The following COL22A1 variants were observed in gnomAD, a reference collection of about 807,000 sequenced individuals.
COL22A1 encodes collagen alpha-1(XXII) chain.
A neutral mutation model predicts 248.9 loss-of-function variants in COL22A1; 221 were observed. The observed-to-expected ratio is 0.89, with a 90% CI of 0.80 to 0.99. The LOEUF is 0.99. COL22A1 is among the 50% of genes least tolerant of loss of function. COL22A1 has a pLI of 0.00. For synonymous variants in COL22A1, 891 were observed against 793.4 expected, an observed-to-expected ratio of 1.12 and a Z score of -2.07; for missense variants, 2,240 against 2,179.0, an observed-to-expected ratio of 1.03 and a Z score of -0.56.
intron 3 of COL22A1, among the ~76,000 whole-genome samples, chr8:138,853,399 T>C (rs1009847364): frequency 2.0e-5 from 3 of 152,334 alleles, no homozygotes; most frequent in East Asian, 3.9e-4. Context: ...TAATGACTCA[T>C]GAGGGAGCTG....
intron 26 of COL22A1, 102 bp from the exon 27 acceptor site, chr8:138,720,894 T>A: frequency 1.0e-6 from 1 of 963,944 alleles, no homozygotes; most frequent in Non-Finnish European, 1.7e-6. Context: ...CTACCTGCAC[T>A]CGGGTGGTTT....
intron 46 of COL22A1, among the ~76,000 whole-genome samples, chr8:138,647,348 C>A (rs1239350811): frequency 2.0e-5 from 3 of 152,158 alleles, no homozygotes; most frequent in Admixed American, 2.0e-4. Flanking sequence ...GAAACCACTT[C>A]TGGATTTCTG....
intron 12 of COL22A1, among the ~76,000 whole-genome samples, chr8:138,782,939 C>A (rs2131540805): frequency 6.6e-6 from 1 of 152,246 alleles, no homozygotes; most frequent in Admixed American, 6.5e-5. Context: ...GCTCTGCTGC[C>A]CTTACCTGAC....
chr8:138,716,467 G>C (rs1829439564), intron 28 of COL22A1, among the ~76,000 whole-genome samples, 178 bp from the exon 29 acceptor site: 1 of 152,082 alleles, frequency 6.6e-6, no homozygotes, highest in South Asian at 2.1e-4. Context: ...CGTTCACTAG[G>C]GCATCCCCAA....
intron 55 of COL22A1, 139 bp downstream of exon 55, chr8:138,615,862 C>T: frequency 1.5e-6 from 1 of 645,438 alleles, no homozygotes; most frequent in Admixed American, 2.8e-5. Flanking sequence ...CTCATCCTTG[C>T]CAACCAATCC....
chr8:138,909,267 G>A (rs1014246384), intron 1 of COL22A1, among the ~76,000 whole-genome samples: 2 of 152,196 alleles, frequency 1.3e-5, no homozygotes, highest in African/African-American at 4.8e-5. Flanking sequence ...CAATGTTACA[G>A]AGCAGACCTC....
chr8:138,609,858 C>G (rs1164028234), intron 56 of COL22A1, among the ~76,000 whole-genome samples: 1 of 152,176 alleles, frequency 6.6e-6, no homozygotes, highest in East Asian at 1.9e-4. Context: ...GGGCTGGAAC[C>G]TGGTTCCCTC....
intron 16 of COL22A1, among the ~76,000 whole-genome samples, chr8:138,765,671 C>A (rs931151710): frequency 2.0e-5 from 3 of 152,242 alleles, no homozygotes; most frequent in Non-Finnish European, 2.9e-5. Context: ...GGTATAATTG[C>A]CCTGTTGACA....
At chr8:138,700,003 G>A (rs773842660) in intron 32 of COL22A1, 109 bp downstream of exon 32, 36 of 996,672 alleles carry the variant, frequency 3.6e-5, no homozygotes, top group Non-Finnish European at 5.0e-5. Flanking sequence ...AGTGATGAAC[G>A]CGATGGGGCT....
At position 138,796,840 on chromosome 8, in the gene COL22A1, G is replaced by A. The variant is rs1456417427; in HGVS notation, c.1575C>T (p.Gly525=). 6 of 1,600,496 alleles carry A rather than the reference G, an allele frequency of 3.7e-6. No homozygotes were observed. Among genetic ancestry groups the A allele is most frequent in the Non-Finnish European group, 3.4e-6 (4 of 1,168,002 alleles). The change falls in exon 12 of 65, where the codon GGC becomes GGT. Residue 525 remains glycine (G), a synonymous_variant. Transcript: ENST00000303045. ...TTACCTTTTCACCCTTTTCCCCTTGGCCAAAAGGTCCTATGCCCTAGAAAA... is the reference window on the plus strand; with the variant it reads ...TTACCTTTTCACCCTTTTCCCCTTGACCAAAAGGTCCTATGCCCTAGAAAA... ...EKGDVGIGPF[G]QGEKGEKGSL...
rs1826237658 is a variant in COL22A1, at chr8:138,685,092, AT to A, written c.2967+115del. The A allele has an allele frequency of 6.5e-6, 5 of 765,178 alleles. No individual in the cohort carries two copies. The Admixed American group carries it at 9.5e-5, about 15-fold the overall frequency. 47.4% of individuals were successfully genotyped at this position (765,178 alleles called of 1,614,324 possible). A position where few individuals can be genotyped will look rare whatever the true frequency, so the allele number is the denominator to read the frequency against. ...CTGAACCCCTTTCCCAACCAGGCCC[AT>A]TTCATTGGCCACGGTTCAATTTCTG... On this transcript the variant is annotated intron_variant, in intron 38 of 64. Transcript: ENST00000303045.
At chr8:138,912,380 A>G (rs1815510302) in intron 1 of COL22A1, among the ~76,000 whole-genome samples, 1 of 152,168 alleles carries the variant, frequency 6.6e-6, no homozygotes, top group South Asian at 2.1e-4. Flanking sequence ...GCTTTCCATG[A>G]TTTGCCTGGT....
intron 3 of COL22A1, among the ~76,000 whole-genome samples, chr8:138,857,912 C>T (rs774936489): frequency 1.3e-5 from 2 of 152,172 alleles, no homozygotes; most frequent in African/African-American, 2.4e-5. Flanking sequence ...CCATAGAGGT[C>T]GCCTGCTGAA....
chr8:138,626,778 CTTTCCTTGT>C, intron 50 of COL22A1, among the ~76,000 whole-genome samples: 1 of 152,160 alleles, frequency 6.6e-6, no homozygotes, highest in Admixed American at 6.6e-5. Flanking sequence ...TTTACTATCT[CTTTCCTTGT>C]ATTTGAAAAA....
intron 12 of COL22A1, among the ~76,000 whole-genome samples, chr8:138,782,781 T>A (rs781572523): frequency 6.6e-5 from 10 of 151,732 alleles, no homozygotes; most frequent in Admixed American, 1.3e-4. Flanking sequence ...TTGGGCTTCC[T>A]GGTACTGTCC....
At chr8:138,731,800 C>T (rs1485989785) in intron 23 of COL22A1, among the ~76,000 whole-genome samples, 3 of 152,312 alleles carry the variant, frequency 2.0e-5, no homozygotes, top group African/African-American at 7.2e-5. Context: ...ATCATCTCAG[C>T]TTTCCTGGAT....
intron 21 of COL22A1, among the ~76,000 whole-genome samples, chr8:138,753,540 A>G (rs1364545305): frequency 2.0e-5 from 3 of 152,214 alleles, no homozygotes; most frequent in East Asian, 1.9e-4. Context: ...GACCATCCGC[A>G]TGTCCTGTCT....
At chr8:138,765,800 C>A (rs1225078700) in intron 16 of COL22A1, among the ~76,000 whole-genome samples, 2 of 152,216 alleles carry the variant, frequency 1.3e-5, no homozygotes, top group African/African-American at 4.8e-5. Flanking sequence ...AAGAGTGAAG[C>A]TGCTGACCCT....
chr8:138,725,498 C>G (rs1234218005), intron 23 of COL22A1, 58 bp from the exon 24 acceptor site: 3 of 1,446,784 alleles, frequency 2.1e-6, no homozygotes, highest in African/African-American at 2.9e-5. Flanking sequence ...CTCCTAGGGA[C>G]AGTGGGCATT....
Sources: allele counts gnomAD v4.1 joint callset (sites outside exome capture counted in the v4.1 genomes callset), GRCh38; gene constraint gnomAD v4.1.1; transcripts MANE v1.5; gene names NCBI Gene and HGNC (gene_info 2026-07-23, HGNC 2026-07-21).